Variants in LARGE1 observed in about 807,000 individuals in gnomAD.
The protein encoded by LARGE1 is xylosyl- and glucuronyltransferase LARGE1.
A neutral mutation model predicts 87.6 loss-of-function variants in LARGE1; 43 were observed. The ratio of observed to expected loss-of-function variants is 0.49; its 90% confidence interval spans 0.38 to 0.63. The LOEUF is 0.63. Ranked by LOEUF, LARGE1 falls within the 30% of genes least tolerant of loss-of-function variation. The probability of loss-of-function intolerance (pLI) is 0.00; values close to 1 mark genes in which losing one functional copy is unlikely to be tolerated. For missense variants in LARGE1, 802 were observed against 1,000.2 expected, an observed-to-expected ratio of 0.80 and a Z score of 2.67; for synonymous variants, 434 against 394.6, an observed-to-expected ratio of 1.10 and a Z score of -1.18.
At chr22:33,537,012 T>C (rs1381242311) in intron 6 of LARGE1, among the ~76,000 whole-genome samples, 2 of 152,228 alleles carry the variant, frequency 1.3e-5, no homozygotes, top group African/African-American at 2.4e-5. Flanking sequence ...GGTTTCACCA[T>C]GCTGGTCAGG....
intron 1 of LARGE1, among the ~76,000 whole-genome samples, chr22:33,849,602 T>G (rs1448491315): frequency 1.4e-5 from 2 of 138,316 alleles, no homozygotes; most frequent in Non-Finnish European, 3.1e-5. Flanking sequence ...CTTTTTTTTT[T>G]TTTTTTTTTT....
At chr22:33,150,163 C>T in the LARGE1 span, among the ~76,000 whole-genome samples, 1 of 152,214 alleles carries the variant, frequency 6.6e-6, no homozygotes, top group African/African-American at 2.4e-5. Context: ...ACCAGATCAC[C>T]ACATCCAGAC....
chr22:33,252,961 C>A (rs1038026985), intron 11 of LARGE1, among the ~76,000 whole-genome samples: 3 of 152,132 alleles, frequency 2.0e-5, no homozygotes, highest in Admixed American at 6.5e-5. Flanking sequence ...TTTCTCTCAG[C>A]AATTTGGAGC....
At chr22:33,124,161 C>A in the LARGE1 span, among the ~76,000 whole-genome samples, 1 of 151,856 alleles carries the variant, frequency 6.6e-6, no homozygotes, top group Non-Finnish European at 1.5e-5. Flanking sequence ...GTGGTGGGTG[C>A]CTGTAATATC....
intron 11 of LARGE1, among the ~76,000 whole-genome samples, chr22:33,208,985 G>C (rs902364396): frequency 1.3e-5 from 2 of 152,130 alleles, no homozygotes; most frequent in Admixed American, 1.3e-4. Flanking sequence ...TGGGCATTTG[G>C]GTTGGTTCAA....
intron 4 of LARGE1, among the ~76,000 whole-genome samples, chr22:33,610,666 C>G (rs764106521): frequency 6.6e-6 from 1 of 152,126 alleles, no homozygotes; most frequent in Non-Finnish European, 1.5e-5. Flanking sequence ...GAAGAACCCA[C>G]AACTTGCTAG....
At chr22:33,079,221 CTTTT>C in the LARGE1 span, among the ~76,000 whole-genome samples, 4 of 85,774 alleles carry the variant, frequency 4.7e-5, no homozygotes, top group Non-Finnish European at 2.2e-5. Context: ...AGTTATCATT[CTTTT>C]TTTTTTTTTT....
At chr22:33,326,921 C>A (rs1321978930) in intron 10 of LARGE1, among the ~76,000 whole-genome samples, 2 of 152,184 alleles carry the variant, frequency 1.3e-5, no homozygotes, top group Non-Finnish European at 2.9e-5. Flanking sequence ...CTTCCCTTCA[C>A]CCCCTCTCTC....
the LARGE1 span, among the ~76,000 whole-genome samples, chr22:33,114,185 A>T: frequency 7.9e-5 from 12 of 152,096 alleles, no homozygotes; most frequent in Non-Finnish European, 1.5e-4. Flanking sequence ...CGAAAACTGG[A>T]GATCTTAATA....
At chr22:33,416,829 C>A (rs2066507789) in intron 7 of LARGE1, among the ~76,000 whole-genome samples, 1 of 151,262 alleles carries the variant, frequency 6.6e-6, no homozygotes, top group Admixed American at 6.6e-5. Context: ...GTCTTGAACT[C>A]CTGACCTTGT....
At chr22:33,898,149 C>T (rs1279633331) in intron 1 of LARGE1, among the ~76,000 whole-genome samples, 2 of 152,148 alleles carry the variant, frequency 1.3e-5, no homozygotes, top group East Asian at 3.9e-4. Context: ...CCCAAGAAAG[C>T]TTGAGCCAGG....
At chr22:33,160,211 C>A (rs1921976615), downstream of LARGE1, among the ~76,000 whole-genome samples, 1 of 152,166 alleles carries the variant, frequency 6.6e-6, no homozygotes, top group African/African-American at 2.4e-5. Context: ...CAATTGATAT[C>A]TCTCTTGGTT....
At chr22:33,287,713 CAG>C (rs1416449640) in intron 12 of LARGE1, among the ~76,000 whole-genome samples, 2 of 152,194 alleles carry the variant, frequency 1.3e-5, no homozygotes, top group South Asian at 2.1e-4. Context: ...GGATAGAATG[CAG>C]AGTCTTCCAG....
chr22:33,601,784 C>T (rs1028790274), intron 5 of LARGE1, among the ~76,000 whole-genome samples: 2 of 152,078 alleles, frequency 1.3e-5, no homozygotes, highest in African/African-American at 4.8e-5. Flanking sequence ...TTGAACGTAT[C>T]AGATTGTATT....
chr22:33,510,772 A>T (rs570737986), intron 6 of LARGE1, among the ~76,000 whole-genome samples: 129 of 152,232 alleles, frequency 8.5e-4, no homozygotes, highest in Non-Finnish European at 1.4e-3. Flanking sequence ...GTTGTTGTTG[A>T]GACAGAGTTT....
chr22:33,774,636 G>T (rs1415594004), intron 1 of LARGE1, among the ~76,000 whole-genome samples: 2 of 152,202 alleles, frequency 1.3e-5, no homozygotes, highest in African/African-American at 4.8e-5. Flanking sequence ...GGGATTACAG[G>T]TGTCAGCCAC....
chr22:33,413,763 C>T (rs1014468695), intron 7 of LARGE1, among the ~76,000 whole-genome samples: 22 of 151,984 alleles, frequency 1.4e-4, no homozygotes, highest in African/African-American at 5.3e-4. Context: ...CCGCACCCGG[C>T]CTACTGGGGG....
chr22:33,132,567 T>C, the LARGE1 span, among the ~76,000 whole-genome samples: 9 of 151,442 alleles, frequency 5.9e-5, no homozygotes, highest in African/African-American at 1.9e-4. Context: ...AGCTCAAGTT[T>C]TTATGAAGCA....
At chr22:33,772,262 G>A (rs906754332) in intron 1 of LARGE1, among the ~76,000 whole-genome samples, 1 of 152,084 alleles carries the variant, frequency 6.6e-6, no homozygotes, top group Non-Finnish European at 1.5e-5. Flanking sequence ...GAACGCAGGA[G>A]GCAGAGCCTG....
Sources: gnomAD v4.1 joint callset for allele counts (sites outside exome capture counted in the v4.1 genomes callset) on GRCh38, gnomAD v4.1.1 for gene constraint, MANE v1.5 for transcripts, NCBI Gene and HGNC (gene_info 2026-07-23, HGNC 2026-07-21) for gene names.